The following PARD3 variants were observed in gnomAD, a reference collection of about 807,000 sequenced individuals.
The protein encoded by PARD3 is partitioning defective 3 homolog.
A neutral mutation model predicts 155.4 loss-of-function variants in PARD3; 75 were observed. The observed-to-expected ratio is 0.48, with a 90% CI of 0.40 to 0.58. The LOEUF is 0.58. Among genes scored for constraint, PARD3 ranks in the 20% least tolerant of loss-of-function variants. The pLI, the probability that PARD3 is intolerant of heterozygous loss-of-function variation, is 0.00. For synonymous variants in PARD3, 576 were observed against 610.5 expected, an observed-to-expected ratio of 0.94 and a Z score of 0.83; for missense variants, 1,642 against 1,721.7, an observed-to-expected ratio of 0.95 and a Z score of 0.82.
intron 1 of PARD3, among the ~76,000 whole-genome samples, chr10:34,805,620 A>G (rs1409114360): frequency 6.6e-6 from 1 of 150,990 alleles, no homozygotes; most frequent in Non-Finnish European, 1.5e-5. Context: ...CACAAAGGGA[A>G]TTGTCTTAGT....
intron 22 of PARD3, among the ~76,000 whole-genome samples, chr10:34,182,895 T>C (rs148425707): frequency 1.7e-3 from 258 of 152,252 alleles, no homozygotes; most frequent in African/African-American, 5.8e-3. Context: ...GAAATTCAAA[T>C]ATATACAGCA....
At chr10:34,784,745 C>T in intron 1 of PARD3, among the ~76,000 whole-genome samples, 2 of 152,252 alleles carry the variant, frequency 1.3e-5, no homozygotes, top group East Asian at 3.9e-4. Flanking sequence ...CCCCAATATA[C>T]TTTTTTAAGG....
chr10:34,391,764 T>C (rs1842891022), intron 7 of PARD3, among the ~76,000 whole-genome samples: 1 of 152,270 alleles, frequency 6.6e-6, no homozygotes, highest in Admixed American at 6.5e-5. Context: ...TTAATCTATA[T>C]TCAGGTTTAA....
At chr10:34,389,356 T>C (rs1842665441) in intron 7 of PARD3, among the ~76,000 whole-genome samples, 1 of 151,794 alleles carries the variant, frequency 6.6e-6, no homozygotes, top group Non-Finnish European at 1.5e-5. Flanking sequence ...TTTAACTACT[T>C]AGATTATATT....
chr10:34,555,634 C>T, intron 2 of PARD3, among the ~76,000 whole-genome samples: 1 of 152,204 alleles, frequency 6.6e-6, no homozygotes, highest in South Asian at 2.1e-4. Context: ...ATTTAATTGA[C>T]CTTATTTTTC....
At chr10:34,220,772 T>C (rs950564094) in intron 22 of PARD3, among the ~76,000 whole-genome samples, 3 of 152,246 alleles carry the variant, frequency 2.0e-5, no homozygotes, top group African/African-American at 7.2e-5. Flanking sequence ...TGGGGACTAA[T>C]GTGCTACATA....
Position 34,762,774 on chromosome 10 carries a change from C to T in PARD3, c.120+52102G>A, listed in dbSNP as rs188484831. ...TTTGTGCTGGGCTGGCAGGACTCTGCACTCACAGTGAAGATGAGCCATAGA... is the reference window on the plus strand; with the variant it reads ...TTTGTGCTGGGCTGGCAGGACTCTGTACTCACAGTGAAGATGAGCCATAGA... On this transcript the variant is annotated intron_variant, in intron 1 of 24. Transcript: ENST00000374788. Among the ~76,000 whole-genome samples, 6 of 152,296 alleles carry T rather than the reference C, an allele frequency of 3.9e-5. No homozygotes were observed. In the East Asian group the frequency reaches 1.2e-3, roughly 29 times the overall value.
intron 3 of PARD3, among the ~76,000 whole-genome samples, chr10:34,491,266 A>G (rs1007211184): frequency 6.6e-6 from 1 of 152,232 alleles, no homozygotes; most frequent in Non-Finnish European, 1.5e-5. Context: ...TTAATTTTTT[A>G]GTATTAAGCA....
At chr10:34,455,366 T>C (rs539177523) in intron 4 of PARD3, among the ~76,000 whole-genome samples, 5 of 152,276 alleles carry the variant, frequency 3.3e-5, no homozygotes, top group Admixed American at 6.5e-5. Context: ...TCTGCAATTA[T>C]GGTAAAAGAG....
intron 1 of PARD3, among the ~76,000 whole-genome samples, chr10:34,783,684 T>C (rs963858992): frequency 1.3e-5 from 2 of 150,784 alleles, no homozygotes; most frequent in Non-Finnish European, 3.0e-5. Context: ...TACAGTTTTG[T>C]CACAAAAGTA....
chr10:34,213,766 G>A lies in PARD3; in HGVS notation c.3419+55891C>T, dbSNP rs55676182. Among the ~76,000 whole-genome samples, 1,039 of 152,204 alleles carry A rather than the reference G, an allele frequency of 6.8e-3. 14 individuals are homozygous for A. The highest frequency in any genetic ancestry group is 0.024 in the African/African-American group (989 of 41,514). On this transcript the variant is annotated intron_variant, in intron 22 of 24. Coordinates refer to ENST00000374788, the MANE Select transcript of PARD3 (RefSeq NM_001184785.2). The stretch of plus-strand genomic sequence containing the variant: ...GGCAGCAGAGGACAGGAGGTGACGT[G>A]GGCAGTGCTGCTCCACGATTCATGA...
At chr10:34,697,719 T>C (rs937984707) in intron 1 of PARD3, among the ~76,000 whole-genome samples, 1 of 151,780 alleles carries the variant, frequency 6.6e-6, no homozygotes, top group Non-Finnish European at 1.5e-5. Flanking sequence ...TGGACCTCTA[T>C]GAAAGGAATC....
At chr10:34,664,033 A>C (rs889660833) in intron 2 of PARD3, 1 of 152,196 alleles carries the variant, frequency 6.6e-6, no homozygotes, top group African/African-American at 2.4e-5. Flanking sequence ...TTGGGGCCTC[A>C]GGGCCGCAGC....
At chr10:34,222,863 C>T (rs1952377514) in intron 22 of PARD3, among the ~76,000 whole-genome samples, 1 of 152,204 alleles carries the variant, frequency 6.6e-6, no homozygotes. Context: ...CTAGCTTTGA[C>T]CACACTCAGG....
intron 5 of PARD3, among the ~76,000 whole-genome samples, chr10:34,436,040 G>C (rs974662995): frequency 3.3e-5 from 5 of 152,122 alleles, no homozygotes; most frequent in African/African-American, 9.7e-5. Flanking sequence ...CTCAATTCCA[G>C]TTGAAAATAT....
chr10:34,329,175 T>C (rs748888531), intron 19 of PARD3, among the ~76,000 whole-genome samples: 35 of 152,202 alleles, frequency 2.3e-4, no homozygotes, highest in Non-Finnish European at 4.0e-4. Context: ...GGTGGGACAC[T>C]CTGGAGGCTA....
At position 34,347,993 on chromosome 10, in the gene PARD3, G is replaced by C. The variant is rs1450847638; in HGVS notation, c.2190C>G (p.Ser730Arg). Residue 730 changes from serine to arginine, a missense_variant, in exon 15 of 25, where the codon AGC becomes AGG. This residue lies in a region of PARD3 where 1,529 missense variants were observed against 1,587.3 expected (regional missense o/e 0.96). Coordinates refer to ENST00000374788, the MANE Select transcript of PARD3 (RefSeq NM_001184785.2). Reference sequence around the variant, plus strand: ...TTATCCTACTGAGGGCAGCATTTCTGCTGGGCGATTCATCAAGCCCCTCAA... The same window carrying C: ...TTATCCTACTGAGGGCAGCATTTCTCCTGGGCGATTCATCAAGCCCCTCAA... Reference protein sequence around the residue: ...SGIEGLDESPSRNAALSRIMG... With the variant: ...SGIEGLDESPRRNAALSRIMG... 2 of 1,613,262 alleles carry C rather than the reference G, an allele frequency of 1.2e-6. No individual in the cohort carries two copies. Among genetic ancestry groups the C allele is most frequent in the East Asian group, 2.2e-5 (1 of 44,854 alleles).
At position 34,474,196 on chromosome 10, in the gene PARD3, G is replaced by A. The variant is rs371004020; in HGVS notation, c.404-3933C>T. ...ACTCAACAGCATTTTCTCATCAAAG[G>A]ATGGCCAAATGACATCATAATGATG... is the stretch of plus-strand genomic sequence containing the variant. On this transcript the variant is annotated intron_variant, in intron 3 of 24. Coordinates refer to ENST00000374788, the MANE Select transcript of PARD3 (RefSeq NM_001184785.2). Among the ~76,000 whole-genome samples the A allele has an allele frequency of 7.2e-5, 11 of 152,268 alleles. No individual in the cohort carries two copies. In the South Asian group the frequency reaches 1.0e-3, roughly 14 times the overall value.
At chr10:34,366,671 T>C (rs1173402294) in intron 12 of PARD3, among the ~76,000 whole-genome samples, 5 of 152,236 alleles carry the variant, frequency 3.3e-5, no homozygotes, top group African/African-American at 1.2e-4. Flanking sequence ...GGTAGGTATC[T>C]GAGACAATAT....
Sources: gnomAD v4.1 joint callset for allele counts (sites outside exome capture counted in the v4.1 genomes callset) on GRCh38, gnomAD v4.1.1 for gene constraint, gnomAD v4.1.1 regional missense constraint, MANE v1.5 for transcripts, NCBI Gene and HGNC (gene_info 2026-07-23, HGNC 2026-07-21) for gene names.